DLGAP2: variants seen among roughly 807,000 people sequenced by gnomAD.
The protein encoded by DLGAP2 is DLG associated protein 2, also known as disks large-associated protein 2.
In DLGAP2, 26 loss-of-function variants were observed where a neutral mutation model predicts 100.3. The ratio of observed to expected loss-of-function variants is 0.26; its 90% confidence interval spans 0.19 to 0.36. DLGAP2 has a LOEUF of 0.36. Ranked by LOEUF, DLGAP2 falls within the 10% of genes least tolerant of loss-of-function variation. The pLI, the probability that DLGAP2 is intolerant of heterozygous loss-of-function variation, is 1.00. For synonymous variants in DLGAP2, 886 were observed against 630.1 expected, an observed-to-expected ratio of 1.41 and a Z score of -6.08; for missense variants, 1,858 against 1,453.2, an observed-to-expected ratio of 1.28 and a Z score of -4.53.
At chr8:1,292,016 G>A (rs941002136) in intron 3 of DLGAP2, among the ~76,000 whole-genome samples, 1 of 152,208 alleles carries the variant, frequency 6.6e-6, no homozygotes, top group Non-Finnish European at 1.5e-5. Context: ...AAATGCTAGG[G>A]GTTGAAATGT....
At chr8:1,282,833 C>G (rs1465575032) in intron 3 of DLGAP2, among the ~76,000 whole-genome samples, 40 of 89,170 alleles carry the variant, frequency 4.5e-4, no homozygotes, top group South Asian at 8.1e-4. Flanking sequence ...TGACCTGAAC[C>G]CAGCACGTGA....
chr8:813,179 A>T (rs1456871746), intron 1 of DLGAP2, among the ~76,000 whole-genome samples: 2 of 152,170 alleles, frequency 1.3e-5, no homozygotes, highest in Non-Finnish European at 2.9e-5. Flanking sequence ...TTACCTTATT[A>T]TATGGTCAAG....
At chr8:849,059 G>A (rs2055515) in intron 1 of DLGAP2, among the ~76,000 whole-genome samples, 26,312 of 151,226 alleles carry the variant, frequency 0.17, 2,968 homozygotes, top group Admixed American at 0.36. Flanking sequence ...AGGATGTGCC[G>A]TGTCTGTTCC....
intron 3 of DLGAP2, among the ~76,000 whole-genome samples, chr8:1,450,896 A>G (rs181102891): frequency 2.0e-5 from 3 of 152,192 alleles, no homozygotes; most frequent in Admixed American, 6.5e-5. Context: ...ACAGTCCTCT[A>G]TGAATTGCTT....
chr8:1,046,561 G>C (rs922208318), intron 2 of DLGAP2, among the ~76,000 whole-genome samples: 1 of 152,194 alleles, frequency 6.6e-6, no homozygotes, highest in African/African-American at 2.4e-5. Context: ...GGGCGTGTTT[G>C]AGGCTTTTTC....
intron 3 of DLGAP2, among the ~76,000 whole-genome samples, chr8:1,365,889 TC>T (rs1380311813): frequency 1.3e-5 from 2 of 152,186 alleles, no homozygotes; most frequent in Non-Finnish European, 2.9e-5. Context: ...AGAATAAACA[TC>T]TGCCCAGGAG....
At chr8:1,240,058 G>T (rs1314526196) in intron 2 of DLGAP2, among the ~76,000 whole-genome samples, 2 of 141,110 alleles carry the variant, frequency 1.4e-5, no homozygotes, top group African/African-American at 5.1e-5. Context: ...ACATGGCGCC[G>T]TGTCTAGTTA....
intron 3 of DLGAP2, among the ~76,000 whole-genome samples, chr8:1,271,079 A>C (rs769675682): frequency 6.6e-6 from 1 of 152,214 alleles, no homozygotes; most frequent in Admixed American, 6.5e-5. Flanking sequence ...TCTTCATGAA[A>C]TAAGTCATAG....
At position 1,445,725 on chromosome 8, in the gene DLGAP2, A is replaced by C. The variant is rs543832292; in HGVS notation, c.107-55641A>C. ...CCACTAACAGTGTAAAAGTGTTCCT[A>C]TTTCTCCACATCCTCTCCAGCACCT... On this transcript the variant is annotated intron_variant, in intron 3 of 14. Coordinates refer to ENST00000637795, the MANE Select transcript of DLGAP2 (RefSeq NM_001346810.2). Among the ~76,000 whole-genome samples the C allele has an allele frequency of 7.2e-5, 11 of 152,158 alleles. No individual in the cohort carries two copies. In the South Asian group the frequency reaches 2.3e-3, roughly 32 times the overall value.
At chr8:1,185,240 C>T (rs532308602) in intron 2 of DLGAP2, among the ~76,000 whole-genome samples, 51 of 152,076 alleles carry the variant, frequency 3.4e-4, no homozygotes, top group Non-Finnish European at 5.9e-4. Flanking sequence ...TATTTTCTAG[C>T]CCGATATAAT....
rs147862847 is a variant in DLGAP2 at position 1,564,465 on chromosome 8, G to A, written c.1231-1218G>A. ...GTTATGGGTGATATATAAAATGCAC[G>A]TGGGTTCAGTTCTCGAACAGTCAGA... On this transcript the variant is annotated intron_variant, in intron 5 of 14. Coordinates refer to ENST00000637795, the MANE Select transcript of DLGAP2 (RefSeq NM_001346810.2). Among the ~76,000 whole-genome samples the A allele has an allele frequency of 6.2e-4, 94 of 152,274 alleles. No individual in the cohort carries two copies. The East Asian group carries it at 9.5e-3, about 15-fold the overall frequency.
rs202179512 is a variant in DLGAP2, at chr8:1,678,347, G to A, written c.2422G>A (p.Glu808Lys). ...QFGSSFQRHS[E>K]PSTPTQYSAV... ...CGGCTCATCCTTCCAGCGGCACTCC[G>A]AGCCCAGCACCCCCACCCAGTACAG... The change falls in exon 12 of 15, where the codon GAG becomes AAG. Residue 808 changes from glutamate to lysine, a missense_variant. Transcript: ENST00000637795. The A allele has an allele frequency of 4.3e-6, 7 of 1,613,856 alleles. No individual in the cohort carries two copies. Among genetic ancestry groups the A allele is most frequent in the South Asian group, 2.2e-5 (2 of 91,088 alleles).
intron 3 of DLGAP2, among the ~76,000 whole-genome samples, chr8:1,416,649 C>T (rs1432993391): frequency 6.6e-6 from 1 of 152,084 alleles, no homozygotes; most frequent in Admixed American, 6.6e-5. Context: ...AACATGGAAA[C>T]TCTGTTTCTG....
At chr8:825,252 C>G (rs1796665162) in intron 1 of DLGAP2, among the ~76,000 whole-genome samples, 1 of 152,238 alleles carries the variant, frequency 6.6e-6, no homozygotes, top group Non-Finnish European at 1.5e-5. Context: ...TTCAGCCACA[C>G]AGCTGTTGGA....
chr8:1,293,725 C>G (rs1281891005), intron 3 of DLGAP2, among the ~76,000 whole-genome samples: 1 of 152,156 alleles, frequency 6.6e-6, no homozygotes. Context: ...CTTTATAATA[C>G]AAACAAACGA....
chr8:912,012 C>T (rs756555440), intron 2 of DLGAP2, among the ~76,000 whole-genome samples: 3 of 152,190 alleles, frequency 2.0e-5, no homozygotes, highest in African/African-American at 4.8e-5. Context: ...ACATTCTTTT[C>T]TTTAGGCTGC....
chr8:1,629,931 A>G (rs532489739), intron 7 of DLGAP2, among the ~76,000 whole-genome samples: 25 of 152,350 alleles, frequency 1.6e-4, no homozygotes, highest in African/African-American at 6.0e-4. Context: ...GATGAACCCA[A>G]GATGGTATCT....
In DLGAP2 at chr8:1,565,880, T is replaced by C. The variant is rs759098418; in HGVS notation, c.1428T>C (p.Leu476=). 1 of 1,607,138 alleles carries C rather than the reference T, an allele frequency of 6.2e-7. No individual in the cohort carries two copies. The highest frequency in any genetic ancestry group is 8.5e-7 in the Non-Finnish European group (1 of 1,176,846). The change falls in exon 6 of 15, where the codon CTT becomes CTC. Residue 476 remains leucine, a synonymous_variant. Coordinates refer to ENST00000637795, the MANE Select transcript of DLGAP2 (RefSeq NM_001346810.2). ...PLLKSIGQRP[L]GEHQTQTYLQ... is the part of the protein sequence containing the mutation. ...TGAAGTCCATCGGACAGAGACCGCTTGGAGAGCACCAGACGTAAGTGAGAC... is the reference window on the plus strand; with the variant it reads ...TGAAGTCCATCGGACAGAGACCGCTCGGAGAGCACCAGACGTAAGTGAGAC...
At chr8:1,689,876 ACG>A (rs1239850675) in intron 12 of DLGAP2, among the ~76,000 whole-genome samples, 1 of 152,220 alleles carries the variant, frequency 6.6e-6, no homozygotes, top group African/African-American at 2.4e-5. Flanking sequence ...TGTACTGGGC[ACG>A]CTCTATGGAA....
Sources: gnomAD v4.1 joint callset for allele counts (sites outside exome capture counted in the v4.1 genomes callset) on GRCh38, gnomAD v4.1.1 for gene constraint, MANE v1.5 for transcripts, NCBI Gene and HGNC (gene_info 2026-07-23, HGNC 2026-07-21) for gene names.